CDC42BPB: variants seen among roughly 807,000 people sequenced by gnomAD.
The protein encoded by CDC42BPB is serine/threonine-protein kinase MRCK beta.
A neutral mutation model predicts 214.9 loss-of-function variants in CDC42BPB; 37 were observed. The observed-to-expected ratio is 0.17, with a 90% confidence interval of 0.13 to 0.23. CDC42BPB has a LOEUF of 0.23. Ranked by LOEUF, CDC42BPB falls within the 10% of genes least tolerant of loss-of-function variation. The pLI, the probability that CDC42BPB is intolerant of heterozygous loss-of-function variation, is 1.00. For missense variants in CDC42BPB, 1,694 were observed against 2,227.0 expected (o/e 0.76, Z 4.82); for synonymous variants, 931 against 884.0 (o/e 1.05, Z -0.94).
rs774336264 is a variant in CDC42BPB, at chr14:102,933,769, G to C, written c.5079C>G (p.Ser1693=). ...CGAGGGGGAGCTGGCTCCTGTGGGG[G>C]GAGTTGGGGCTCGGTGGGCCGCTGG... is the stretch of plus-strand genomic sequence containing the variant. The part of the protein sequence containing the change: ...SNPSGPPSPN[S]PHRSQLPLEG... The change falls in exon 37 of 37, where the codon TCC becomes TCG. Residue 1693 remains serine (S), a synonymous_variant. Transcript: ENST00000361246. The C allele has an allele frequency of 6.7e-7, 1 of 1,502,868 alleles. No homozygotes were observed. Among genetic ancestry groups the C allele is most frequent in the South Asian group, 1.4e-5 (1 of 72,574 alleles). The allele number at this position is 1,502,868 out of a possible 1,614,324, so 93.1% of individuals were successfully genotyped here.
At chr14:103,040,204 C>T (rs561054154) in intron 1 of CDC42BPB, among the ~76,000 whole-genome samples, 3 of 152,050 alleles carry the variant, frequency 2.0e-5, no homozygotes, top group African/African-American at 4.8e-5. Flanking sequence ...AAAATACAAA[C>T]ATTAGCCAGG....
chr14:102,952,154 C>T (rs1360731743), intron 24 of CDC42BPB, among the ~76,000 whole-genome samples: 1 of 152,118 alleles, frequency 6.6e-6, no homozygotes, highest in Non-Finnish European at 1.5e-5. Context: ...TGAGACCGGT[C>T]TGGGAAACAA....
Position 102,944,989 on chromosome 14 carries a change from C to T in CDC42BPB, c.3812-502G>A, listed in dbSNP as rs1892088441. Among the ~76,000 whole-genome samples, 1 of 151,986 alleles carries T rather than the reference C, an allele frequency of 6.6e-6. No individual in the cohort carries two copies. The highest frequency in any genetic ancestry group is 1.5e-5 in the Non-Finnish European group (1 of 67,960). On this transcript the variant is annotated intron_variant, in intron 29 of 36. Transcript: ENST00000361246. This position sits in a 1 kb window ranked among gnomAD's most constrained non-coding sequence, Gnocchi z 6.6. Reference sequence around the variant, plus strand: ...CCAGTGAAGACACTGCCCTCACACTCACACGGCCCCCAGTGAAGACGCCGC... The same window carrying T: ...CCAGTGAAGACACTGCCCTCACACTTACACGGCCCCCAGTGAAGACGCCGC...
At chr14:102,935,580 A>T (rs1041089060) in intron 36 of CDC42BPB, among the ~76,000 whole-genome samples, 1 of 152,140 alleles carries the variant, frequency 6.6e-6, no homozygotes, top group Non-Finnish European at 1.5e-5. Context: ...ACTTGAGGTC[A>T]GGAGTTTGAG....
At chr14:103,014,696 G>GT (rs1247564304) in intron 1 of CDC42BPB, among the ~76,000 whole-genome samples, 1 of 152,168 alleles carries the variant, frequency 6.6e-6, no homozygotes, top group East Asian at 1.9e-4. Context: ...CTGGGAGACA[G>GT]TGAGTTATGA....
intron 5 of CDC42BPB, among the ~76,000 whole-genome samples, chr14:102,990,278 G>A (rs572021922): frequency 6.6e-6 from 1 of 152,230 alleles, no homozygotes; most frequent in Admixed American, 6.5e-5. Context: ...AAATCCAAGT[G>A]ACTTATGAAC....
At chr14:102,937,331 G>A (rs767535589) in intron 36 of CDC42BPB, among the ~76,000 whole-genome samples, 4 of 152,250 alleles carry the variant, frequency 2.6e-5, no homozygotes, top group Non-Finnish European at 4.4e-5. Context: ...CAGTAGGATG[G>A]ACAAAGGATG....
At chr14:103,030,620 T>C (rs951607260) in intron 1 of CDC42BPB, among the ~76,000 whole-genome samples, 1 of 151,946 alleles carries the variant, frequency 6.6e-6, no homozygotes, top group Non-Finnish European at 1.5e-5. Flanking sequence ...CACTTCGACC[T>C]GGGAGGTGGA....
chr14:103,043,951 T>C (rs1473044453), intron 1 of CDC42BPB, among the ~76,000 whole-genome samples: 4 of 152,250 alleles, frequency 2.6e-5, no homozygotes, highest in Non-Finnish European at 5.9e-5. Flanking sequence ...ACCATGTCAA[T>C]GTCTGATGTT....
At chr14:102,959,838 T>TTAAA in intron 20 of CDC42BPB, 128 bp from the exon 21 acceptor site, 1 of 718,160 alleles carries the variant, frequency 1.4e-6, no homozygotes, top group Non-Finnish European at 1.6e-6. Context: ...TGATCACAAT[T>TTAAA]AAAAAAAAAA....
chr14:103,040,645 A>T (rs1887936976), intron 1 of CDC42BPB, among the ~76,000 whole-genome samples: 1 of 151,860 alleles, frequency 6.6e-6, no homozygotes, highest in Admixed American at 6.6e-5. Flanking sequence ...TTTTGTAGAG[A>T]CAGGGTTTCA....
chr14:102,992,300 G>A (rs1346289396), intron 5 of CDC42BPB, among the ~76,000 whole-genome samples: 1 of 152,170 alleles, frequency 6.6e-6, no homozygotes, highest in Non-Finnish European at 1.5e-5. Context: ...GGACTTTAAA[G>A]TTACAAAAAG....
At chr14:103,005,446 C>T (rs560903855) in intron 3 of CDC42BPB, among the ~76,000 whole-genome samples, 6 of 152,250 alleles carry the variant, frequency 3.9e-5, no homozygotes, top group Non-Finnish European at 5.9e-5. Context: ...TGGTGGCTCA[C>T]GCTGTAATCC....
chr14:102,951,808 GA>G (rs1167935698), intron 24 of CDC42BPB, among the ~76,000 whole-genome samples: 4 of 151,812 alleles, frequency 2.6e-5, no homozygotes, highest in African/African-American at 9.7e-5. Context: ...TAGAAAAAAA[GA>G]AAAAAAATAC....
intron 1 of CDC42BPB, among the ~76,000 whole-genome samples, chr14:103,031,428 G>A (rs908614165): frequency 2.0e-5 from 3 of 152,116 alleles, no homozygotes; most frequent in African/African-American, 7.2e-5. Flanking sequence ...GGCAAAGTCA[G>A]CAAATGTTTA....
At position 102,974,153 on chromosome 14, in the gene CDC42BPB, G is replaced by A; in HGVS notation, c.1508-4C>T. On this transcript the variant is annotated splice_region_variant and splice_polypyrimidine_tract_variant and intron_variant, in intron 11 of 36. Coordinates refer to ENST00000361246, the MANE Select transcript of CDC42BPB (RefSeq NM_006035.4). ...TGTCGCTCGAGCCTGTTTGAATCTG[G>A]ACAAAAGAGGAAATAAACTCTGTTC... The A allele has an allele frequency of 1.9e-6, 3 of 1,612,898 alleles. No individual in the cohort carries two copies. Among genetic ancestry groups the A allele is most frequent in the African/African-American group, 1.3e-5 (1 of 74,992 alleles).
chr14:102,976,529 T>C lies in CDC42BPB; in HGVS notation c.1221-480A>G, dbSNP rs1173618841. ...AGCACTGACCAGCACACTAAGCCCC[T>C]TACCAAGGACCAGACCACTCGATGA... On this transcript the variant is annotated intron_variant, in intron 9 of 36. Coordinates refer to ENST00000361246, the MANE Select transcript of CDC42BPB (RefSeq NM_006035.4). Among the ~76,000 whole-genome samples, 8 of 152,334 alleles carry C rather than the reference T, an allele frequency of 5.3e-5. No individual in the cohort carries two copies. In the East Asian group the frequency reaches 1.5e-3, roughly 29 times the overall value.
chr14:102,987,073 G>A (rs1894277037), intron 5 of CDC42BPB, among the ~76,000 whole-genome samples: 1 of 152,232 alleles, frequency 6.6e-6, no homozygotes, highest in Non-Finnish European at 1.5e-5. Flanking sequence ...GAAGCTGGCT[G>A]GGGGCTGCCA....
intron 21 of CDC42BPB, 22 bp downstream of exon 21, chr14:102,959,609 T>TAAA: frequency 5.2e-6 from 7 of 1,355,376 alleles, no homozygotes; most frequent in Admixed American, 4.0e-5. Context: ...ATCTGTCACT[T>TAAA]AAAAAAAAAA....
Sources: gnomAD v4.1 joint callset for allele counts (sites outside exome capture counted in the v4.1 genomes callset) on GRCh38, gnomAD v4.1.1 for gene constraint, Gnocchi (gnomAD v3.1) non-coding constraint, MANE v1.5 for transcripts, NCBI Gene and HGNC (gene_info 2026-07-23, HGNC 2026-07-21) for gene names.